The following HGF variants were observed in gnomAD, a reference collection of about 807,000 sequenced individuals.
HGF encodes the protein fibroblast-derived tumor cytotoxic factor.
A neutral mutation model predicts 111.6 loss-of-function variants in HGF; 39 were observed. The observed-to-expected ratio is 0.35, with a 90% confidence interval of 0.27 to 0.46. The LOEUF is 0.46. HGF is among the 20% of genes least tolerant of loss of function. HGF has a pLI of 1.00. For missense variants in HGF, 735 were observed against 910.5 expected (o/e 0.81, Z 2.48); for synonymous variants, 285 against 294.8 (o/e 0.97, Z 0.34).
At chr7:81,757,530 G>A (rs1788839703) in intron 3 of HGF, among the ~76,000 whole-genome samples, 1 of 152,132 alleles carries the variant, frequency 6.6e-6, no homozygotes, top group Non-Finnish European at 1.5e-5. Flanking sequence ...TATATGCATA[G>A]ATAGCTCCAG....
At chr7:81,740,515 AT>A (rs1396326535) in intron 7 of HGF, among the ~76,000 whole-genome samples, 1 of 152,180 alleles carries the variant, frequency 6.6e-6, no homozygotes, top group Non-Finnish European at 1.5e-5. Flanking sequence ...AGATGAAGAG[AT>A]TTTGCATATG....
chr7:81,754,232 A>G (rs1021716957), intron 4 of HGF, among the ~76,000 whole-genome samples: 2 of 152,018 alleles, frequency 1.3e-5, no homozygotes, highest in African/African-American at 2.4e-5. Flanking sequence ...TAGATGAATA[A>G]TACGAACTAT....
At chr7:81,726,961 A>G (rs947475777) in intron 8 of HGF, among the ~76,000 whole-genome samples, 1 of 151,718 alleles carries the variant, frequency 6.6e-6, no homozygotes, top group Non-Finnish European at 1.5e-5. Flanking sequence ...AAACCACAGT[A>G]TTTGTATCAC....
chr7:81,730,502 A>G (rs1445785709), intron 7 of HGF, among the ~76,000 whole-genome samples: 2 of 152,252 alleles, frequency 1.3e-5, no homozygotes, highest in South Asian at 4.1e-4. Context: ...AACATGTTAA[A>G]TATATTTTTA....
chr7:81,769,906 G>A lies in HGF; in HGVS notation c.66C>T (p.Leu22=). ...AACCTGCATAGGGGATGGCGATGGGGAGCAGGAGGAGATGCAGGAGGACAT... is the reference window on the plus strand; with the variant it reads ...AACCTGCATAGGGGATGGCGATGGGAAGCAGGAGGAGATGCAGGAGGACAT... The part of the protein sequence containing the change: ...LQHVLLHLLL[L]PIAIPYAEGQ... The change falls in exon 1 of 18, where the codon CTC becomes CTT. Residue 22 remains leucine (L), a synonymous_variant. Coordinates refer to ENST00000222390, the MANE Select transcript of HGF (RefSeq NM_000601.6). The A allele has an allele frequency of 6.4e-7, 1 of 1,568,126 alleles. No individual in the cohort carries two copies. Among genetic ancestry groups the A allele is most frequent in the Non-Finnish European group, 8.7e-7 (1 of 1,155,468 alleles).
Position 81,762,695 on chromosome 7 carries a change from G to T in HGF, c.254+12C>A. On this transcript the variant is annotated intron_variant, in intron 2 of 17. Transcript: ENST00000222390. ...TGGAAAATTATTCTAAGAAGAAAATGAAGTAACTTACTTGCAAGTGAATGG... is the reference window on the plus strand; with the variant it reads ...TGGAAAATTATTCTAAGAAGAAAATTAAGTAACTTACTTGCAAGTGAATGG... 1 of 1,587,364 alleles carries T rather than the reference G, an allele frequency of 6.3e-7. No individual in the cohort carries two copies. The highest frequency in any genetic ancestry group is 8.7e-7 in the Non-Finnish European group (1 of 1,155,874).
chr7:81,743,225 T>TA (rs1435049944), intron 7 of HGF, 128 bp downstream of exon 7: 1 of 775,316 alleles, frequency 1.3e-6, no homozygotes, highest in African/African-American at 1.7e-5. Context: ...AACACATTCT[T>TA]AAAATATTAA....
At chr7:81,720,701 G>T in intron 10 of HGF, 44 bp downstream of exon 10, 2 of 1,016,494 alleles carry the variant, frequency 2.0e-6, no homozygotes, top group African/African-American at 1.6e-5. Context: ...ACAGTCTGTT[G>T]GTATCACTAC....
chr7:81,722,331 T>C (rs979464140), intron 9 of HGF, among the ~76,000 whole-genome samples: 4 of 151,500 alleles, frequency 2.6e-5, no homozygotes, highest in African/African-American at 7.3e-5. Context: ...ACCTGGCTAA[T>C]TTTTTATATT....
chr7:81,706,486 TA>T (rs1789431580), intron 14 of HGF, 59 bp from the exon 15 acceptor site: 2 of 1,326,900 alleles, frequency 1.5e-6, no homozygotes, highest in African/African-American at 2.9e-5. Context: ...TCTGTAGTAT[TA>T]TTCCTATCTA....
At chr7:81,751,404 T>C (rs1788490526) in intron 5 of HGF, 1 of 985,218 alleles carries the variant, frequency 1.0e-6, no homozygotes, top group Non-Finnish European at 1.2e-6. Context: ...TACTCTTCCA[T>C]CTTGTCAGCC....
chr7:81,727,290 A>G (rs776787909), intron 8 of HGF, among the ~76,000 whole-genome samples: 3 of 151,314 alleles, frequency 2.0e-5, no homozygotes, highest in African/African-American at 4.9e-5. Flanking sequence ...TGATCTGCCC[A>G]CCTTGGCCTC....
chr7:81,706,491 C>A, intron 14 of HGF, 64 bp from the exon 15 acceptor site: 1 of 1,313,582 alleles, frequency 7.6e-7, no homozygotes, highest in African/African-American at 1.5e-5. Flanking sequence ...AGTATTATTC[C>A]TATCTATTGT....
intron 4 of HGF, chr7:81,755,898 G>A (rs1788743226): frequency 1.5e-6 from 1 of 647,728 alleles, no homozygotes; most frequent in African/African-American, 1.8e-5. Context: ...GTGTTAATTA[G>A]GCCAAGATCA....
chr7:81,748,798 A>T (rs545940490), intron 5 of HGF, among the ~76,000 whole-genome samples: 10 of 152,360 alleles, frequency 6.6e-5, no homozygotes, highest in African/African-American at 2.2e-4. Context: ...GAATAATAGT[A>T]GAATACTACA....
intron 5 of HGF, among the ~76,000 whole-genome samples, chr7:81,749,610 T>C (rs185763218): frequency 5.4e-4 from 82 of 152,182 alleles, no homozygotes; most frequent in African/African-American, 1.9e-3. Flanking sequence ...CTTAGCATTT[T>C]TTAAATGTAC....
At chr7:81,734,792 T>C (rs1787771496) in intron 7 of HGF, among the ~76,000 whole-genome samples, 1 of 152,102 alleles carries the variant, frequency 6.6e-6, no homozygotes, top group African/African-American at 2.4e-5. Flanking sequence ...ATATGAATGA[T>C]AAGTAAATGC....
chr7:81,759,778 T>C (rs1371926692), intron 2 of HGF, among the ~76,000 whole-genome samples: 1 of 152,056 alleles, frequency 6.6e-6, no homozygotes, highest in African/African-American at 2.4e-5. Context: ...TGCTAAGCAT[T>C]TTTAATTTAA....
chr7:81,726,264 A>G (rs539189561), intron 8 of HGF, among the ~76,000 whole-genome samples: 1 of 152,296 alleles, frequency 6.6e-6, no homozygotes, highest in East Asian at 1.9e-4. Context: ...TCACCCAAAC[A>G]TTACTGCTTC....
Sources: gnomAD v4.1 joint callset for allele counts (sites outside exome capture counted in the v4.1 genomes callset) on GRCh38, gnomAD v4.1.1 for gene constraint, MANE v1.5 for transcripts, NCBI Gene and HGNC (gene_info 2026-07-23, HGNC 2026-07-21) for gene names.